The following CTNNA3 variants were observed in gnomAD, a reference collection of about 807,000 sequenced individuals.
CTNNA3 encodes the protein catenin alpha-3.
A neutral mutation model predicts 95.7 loss-of-function variants in CTNNA3; 76 were observed. The observed-to-expected ratio is 0.79, with a 90% CI of 0.66 to 0.96. CTNNA3 has a LOEUF of 0.96. Ranked by LOEUF, CTNNA3 falls within the 40% of genes least tolerant of loss-of-function variation. The probability of loss-of-function intolerance (pLI) is 0.00; values close to 1 mark genes in which losing one functional copy is unlikely to be tolerated. For missense variants in CTNNA3, 1,191 were observed against 1,089.8 expected, an observed-to-expected ratio of 1.09 and a Z score of -1.31; for synonymous variants, 431 against 374.4, an observed-to-expected ratio of 1.15 and a Z score of -1.74.
intron 13 of CTNNA3, among the ~76,000 whole-genome samples, chr10:66,132,818 T>C (rs1486005061): frequency 1.3e-5 from 2 of 152,254 alleles, no homozygotes; most frequent in Non-Finnish European, 2.9e-5. Flanking sequence ...AAATACCACA[T>C]GTTCTCACTT....
rs936845744 is a variant in CTNNA3, at chr10:67,750,652, C to G, written c.-2+12782G>C. ...ATACAAGTCTGGGGATGATTTTTTC[C>G]GCAAAGATGATAAAGGTAATATGAT... On this transcript the variant is annotated intron_variant, in intron 1 of 17. Coordinates refer to the CTNNA3 transcript ENST00000684154. 43 of 1,546,576 alleles carry G rather than the reference C, an allele frequency of 2.8e-5. No individual in the cohort carries two copies. In the African/African-American group the frequency reaches 5.8e-4, roughly 21 times the overall value.
At chr10:67,300,408 C>G (rs1388673590) in intron 5 of CTNNA3, among the ~76,000 whole-genome samples, 1 of 152,166 alleles carries the variant, frequency 6.6e-6, no homozygotes, top group Non-Finnish European at 1.5e-5. Flanking sequence ...AACCACAGAG[C>G]TATTTAACAA....
chr10:67,704,503 C>A lies in CTNNA3; in HGVS notation c.-1-56989G>T, dbSNP rs577380039. Among the ~76,000 whole-genome samples, 48 of 152,222 alleles carry A rather than the reference C, an allele frequency of 3.2e-4. 2 individuals carry two copies. The South Asian group carries it at 5.0e-3, about 16-fold the overall frequency. On this transcript the variant is annotated intron_variant, in intron 1 of 17. Transcript: ENST00000684154. The stretch of plus-strand genomic sequence containing the variant: ...CTACAACTATCTGATCTTTGACAAA[C>A]CTGAGAAAAACAAGCAATGGGGAAA...
chr10:67,001,482 G>C (rs1426182903), intron 7 of CTNNA3, among the ~76,000 whole-genome samples: 4 of 151,732 alleles, frequency 2.6e-5, no homozygotes, highest in Admixed American at 6.6e-5. Context: ...AATGGGAATG[G>C]GGGGCACAGA....
At chr10:66,803,573 T>TCTAA (rs1841517864) in intron 7 of CTNNA3, among the ~76,000 whole-genome samples, 1 of 128,550 alleles carries the variant, frequency 7.8e-6, no homozygotes, top group African/African-American at 3.2e-5. Flanking sequence ...ACAGATCCTA[T>TCTAA]AAAGCAACAA....
intron 7 of CTNNA3, among the ~76,000 whole-genome samples, chr10:67,005,636 G>T (rs1257662536): frequency 7.5e-6 from 1 of 134,112 alleles, no homozygotes; most frequent in Non-Finnish European, 1.6e-5. Context: ...ATCTCTAAAT[G>T]TAACAAGCAA....
intron 5 of CTNNA3, among the ~76,000 whole-genome samples, chr10:67,273,547 C>T (rs924739425): frequency 2.0e-5 from 3 of 152,092 alleles, no homozygotes; most frequent in Non-Finnish European, 2.9e-5. Flanking sequence ...GAAAATATGT[C>T]TATCCTATGA....
rs1057364273 is a variant in CTNNA3, at chr10:66,927,564, A to G, written c.1048-152040T>C. The G allele has an allele frequency of 1.9e-6, 3 of 1,613,954 alleles. No homozygotes were observed. The highest frequency in any genetic ancestry group is 2.7e-5 in the African/African-American group (2 of 74,876). The stretch of plus-strand genomic sequence containing the variant: ...AAGAACTTCACCTGGAGCACAATCA[A>G]TTTTCCAAGCTCAACCTGGCCCTTT... On this transcript the variant is annotated intron_variant, in intron 7 of 17. Coordinates refer to ENST00000433211, the MANE Select transcript of CTNNA3 (RefSeq NM_013266.4). This position sits in a 1 kb window ranked among gnomAD's most constrained non-coding sequence, Gnocchi z 4.7.
At chr10:66,608,024 T>C (rs1324836329) in intron 10 of CTNNA3, among the ~76,000 whole-genome samples, 1 of 152,104 alleles carries the variant, frequency 6.6e-6, no homozygotes, top group Non-Finnish European at 1.5e-5. Flanking sequence ...TGTTTGCAGA[T>C]GACATGATCC....
At chr10:66,624,241 T>C (rs7914986) in intron 9 of CTNNA3, among the ~76,000 whole-genome samples, 114,275 of 151,788 alleles carry the variant, frequency 0.75, 43,963 homozygotes, top group African/African-American at 0.89. Flanking sequence ...AATTATTTGA[T>C]CTTGTTTTGT....
At chr10:66,393,461 G>T (rs2132536552) in intron 11 of CTNNA3, among the ~76,000 whole-genome samples, 1 of 152,146 alleles carries the variant, frequency 6.6e-6, no homozygotes, top group South Asian at 2.1e-4. Flanking sequence ...GTCCATTTTA[G>T]ACCTTAAATA....
rs150715118 is a variant in CTNNA3, at chr10:67,466,711, TA to T, written c.579+55130del. ...AGATGTCAAGCGGTGTTTGAAAATC[TA>T]AATAATATCTGATGGTAGCCAAGAC... is the stretch of plus-strand genomic sequence containing the variant. On this transcript the variant is annotated intron_variant, in intron 5 of 17. Transcript: ENST00000433211. Among the ~76,000 whole-genome samples, 330 of 152,324 alleles carry T rather than the reference TA, an allele frequency of 2.2e-3. 3 individuals carry two copies. Among genetic ancestry groups the T allele is most frequent in the Admixed American group, 4.1e-3 (63 of 15,300 alleles).
chr10:67,435,079 T>C (rs1410190854), intron 5 of CTNNA3, among the ~76,000 whole-genome samples: 1 of 152,078 alleles, frequency 6.6e-6, no homozygotes, highest in Non-Finnish European at 1.5e-5. Context: ...CTTTTTGTTA[T>C]GTATTCAAAT....
intron 7 of CTNNA3, among the ~76,000 whole-genome samples, chr10:67,117,519 A>G (rs1457942393): frequency 1.3e-5 from 2 of 152,090 alleles, no homozygotes; most frequent in Non-Finnish European, 2.9e-5. Flanking sequence ...TAACATATTA[A>G]AAATAGCTGA....
At chr10:67,754,384 G>C (rs1447522358) in intron 1 of CTNNA3, among the ~76,000 whole-genome samples, 1 of 151,998 alleles carries the variant, frequency 6.6e-6, no homozygotes, top group African/African-American at 2.4e-5. Flanking sequence ...GGGTTGATAG[G>C]TACAGCAAAC....
intron 10 of CTNNA3, among the ~76,000 whole-genome samples, chr10:66,530,594 A>C (rs1007060716): frequency 6.6e-6 from 1 of 152,170 alleles, no homozygotes; most frequent in African/African-American, 2.4e-5. Context: ...TCCATGTCAG[A>C]ACTTTATGTT....
intron 3 of CTNNA3, among the ~76,000 whole-genome samples, chr10:67,558,481 A>G (rs1228744401): frequency 6.6e-6 from 1 of 152,236 alleles, no homozygotes; most frequent in Non-Finnish European, 1.5e-5. Context: ...CTGAAAAAGC[A>G]TGAAACTATC....
intron 13 of CTNNA3, among the ~76,000 whole-genome samples, chr10:66,270,218 A>ATT (rs1554916530): frequency 0.091 from 9,002 of 98,620 alleles, 1,051 homozygotes; most frequent in African/African-American, 0.31. Flanking sequence ...ACACTATAAC[A>ATT]TTTTTTGGGG....
chr10:66,544,514 G>A (rs1013134215), intron 10 of CTNNA3, among the ~76,000 whole-genome samples: 2 of 152,094 alleles, frequency 1.3e-5, no homozygotes, highest in African/African-American at 4.8e-5. Context: ...TGTGGACTGA[G>A]ATTGCTTTAA....
Sources: gnomAD v4.1 joint callset for allele counts (sites outside exome capture counted in the v4.1 genomes callset) on GRCh38, gnomAD v4.1.1 for gene constraint, Gnocchi (gnomAD v3.1) non-coding constraint, MANE v1.5 for transcripts, NCBI Gene and HGNC (gene_info 2026-07-23, HGNC 2026-07-21) for gene names.